The following GALNT13 variants were observed in gnomAD, a reference collection of about 807,000 sequenced individuals.
GALNT13 encodes the protein UDP-GalNAc:polypeptide N-acetylgalactosaminyltransferase 13.
A neutral mutation model predicts 64.2 loss-of-function variants in GALNT13; 28 were observed. The observed-to-expected ratio is 0.44, with a 90% CI of 0.32 to 0.60. GALNT13 has a LOEUF of 0.60. Among genes scored for constraint, GALNT13 ranks in the 20% least tolerant of loss-of-function variants. GALNT13 has a pLI of 0.05. For synonymous variants in GALNT13, 214 were observed against 224.6 expected, an observed-to-expected ratio of 0.95 and a Z score of 0.42; for missense variants, 577 against 669.8, an observed-to-expected ratio of 0.86 and a Z score of 1.53.
chr2:153,340,314 T>C, the GALNT13 span, among the ~76,000 whole-genome samples: 2 of 152,192 alleles, frequency 1.3e-5, no homozygotes, highest in Non-Finnish European at 1.5e-5. Flanking sequence ...TATTTATTTA[T>C]TTAGCCTAAT....
chr2:153,239,149 G>T, the GALNT13 span, among the ~76,000 whole-genome samples: 1 of 151,926 alleles, frequency 6.6e-6, no homozygotes, highest in Non-Finnish European at 1.5e-5. Context: ...TTCACTGTTG[G>T]CATATAGAAA....
At chr2:153,791,125 A>G in the GALNT13 span, among the ~76,000 whole-genome samples, 1 of 152,208 alleles carries the variant, frequency 6.6e-6, no homozygotes, top group Non-Finnish European at 1.5e-5. Flanking sequence ...TATCCATCTG[A>G]CAATGATCTA....
intron 1 of GALNT13, among the ~76,000 whole-genome samples, chr2:153,872,826 C>A (rs958332071): frequency 3.3e-5 from 5 of 152,142 alleles, no homozygotes; most frequent in African/African-American, 1.2e-4. Context: ...TATAGTGCCC[C>A]CTTTGCCTCG....
At chr2:154,300,801 A>T (rs1012080509) in intron 8 of GALNT13, among the ~76,000 whole-genome samples, 5 of 152,178 alleles carry the variant, frequency 3.3e-5, no homozygotes, top group African/African-American at 1.2e-4. Context: ...AATTGTAATC[A>T]GTCCTAAAAG....
chr2:154,185,442 A>C (rs1573832603), intron 4 of GALNT13, among the ~76,000 whole-genome samples: 1 of 151,884 alleles, frequency 6.6e-6, no homozygotes, highest in Non-Finnish European at 1.5e-5. Context: ...AGCTTTCTAC[A>C]CCTTTCTCTT....
chr2:153,115,964 T>C, the GALNT13 span, among the ~76,000 whole-genome samples: 1 of 152,136 alleles, frequency 6.6e-6, no homozygotes, highest in African/African-American at 2.4e-5. Context: ...TAATGAAAAA[T>C]TGGCCAGTGG....
At chr2:153,999,742 A>C (rs1012024682) in intron 3 of GALNT13, among the ~76,000 whole-genome samples, 1 of 151,750 alleles carries the variant, frequency 6.6e-6, no homozygotes, top group East Asian at 1.9e-4. Flanking sequence ...GGATTTTTGC[A>C]TTTATGTTTA....
intron 3 of GALNT13, among the ~76,000 whole-genome samples, chr2:154,050,358 C>T (rs559023586): frequency 6.6e-6 from 1 of 152,310 alleles, no homozygotes; most frequent in East Asian, 1.9e-4. Context: ...TCTAGCCCCT[C>T]TGACCCCAGA....
At chr2:153,430,256 T>C in the GALNT13 span, among the ~76,000 whole-genome samples, 1 of 151,902 alleles carries the variant, frequency 6.6e-6, no homozygotes, top group East Asian at 1.9e-4. Context: ...TCAAAATAAA[T>C]AGCCAATTTT....
chr2:153,387,697 C>A, the GALNT13 span, among the ~76,000 whole-genome samples: 1 of 152,056 alleles, frequency 6.6e-6, no homozygotes, highest in African/African-American at 2.4e-5. Context: ...AACTCTTAAA[C>A]TGTAGCCCAA....
chr2:154,421,290 A>G (rs1052271374), intron 11 of GALNT13, among the ~76,000 whole-genome samples: 4 of 152,138 alleles, frequency 2.6e-5, no homozygotes, highest in African/African-American at 9.6e-5. Flanking sequence ...CAATTTTTAA[A>G]AGGAGTCATC....
chr2:154,187,369 A>C (rs1048268689), intron 4 of GALNT13, among the ~76,000 whole-genome samples: 2 of 140,260 alleles, frequency 1.4e-5, no homozygotes, highest in African/African-American at 5.3e-5. Flanking sequence ...GATAGGAGAA[A>C]ACACACACAC....
chr2:154,225,172 A>AGATG (rs1559035186), intron 4 of GALNT13, among the ~76,000 whole-genome samples: 1 of 143,556 alleles, frequency 7.0e-6, no homozygotes. Context: ...ATAGATAGAT[A>AGATG]GATAGATAGA....
the GALNT13 span, among the ~76,000 whole-genome samples, chr2:153,565,323 T>C: frequency 6.6e-6 from 1 of 152,176 alleles, no homozygotes; most frequent in African/African-American, 2.4e-5. Context: ...GGCTGGAATC[T>C]TTCAAACTCA....
At chr2:153,923,913 G>A (rs1689931305) in intron 2 of GALNT13, among the ~76,000 whole-genome samples, 1 of 151,598 alleles carries the variant, frequency 6.6e-6, no homozygotes. Context: ...GTGTATATGT[G>A]CCACATTTTC....
At chr2:154,357,615 G>A (rs1696824425) in intron 9 of GALNT13, among the ~76,000 whole-genome samples, 1 of 152,016 alleles carries the variant, frequency 6.6e-6, no homozygotes, top group Non-Finnish European at 1.5e-5. Context: ...TATGACATTA[G>A]GCAAGCTTAT....
chr2:153,257,114 C>A, the GALNT13 span, among the ~76,000 whole-genome samples: 13 of 152,316 alleles, frequency 8.5e-5, no homozygotes, highest in African/African-American at 2.2e-4. Context: ...ACTCCCTGGG[C>A]GTAGGACCCT....
At chr2:153,588,256 C>G in the GALNT13 span, among the ~76,000 whole-genome samples, 2 of 152,196 alleles carry the variant, frequency 1.3e-5, no homozygotes. Flanking sequence ...CTTTTCACAG[C>G]TCCACTAGGC....
chr2:153,935,519 C>T (rs1375346851), intron 2 of GALNT13, among the ~76,000 whole-genome samples: 1 of 152,196 alleles, frequency 6.6e-6, no homozygotes, highest in Non-Finnish European at 1.5e-5. Context: ...TCAGGAGAAG[C>T]AAGTGAATTT....
Sources: allele counts gnomAD v4.1 joint callset (sites outside exome capture counted in the v4.1 genomes callset), GRCh38; gene constraint gnomAD v4.1.1; transcripts MANE v1.5; gene names NCBI Gene and HGNC (gene_info 2026-07-23, HGNC 2026-07-21).